OSBP: variants seen among roughly 807,000 people sequenced by gnomAD.
The protein encoded by OSBP is oxysterol binding protein.
Under a neutral mutation model 96.6 loss-of-function variants are expected in OSBP, and 32 were observed. The ratio of observed to expected loss-of-function variants is 0.33; its 90% CI spans 0.25 to 0.45. The LOEUF (loss-of-function observed/expected upper bound fraction) is 0.45, where lower values mean the gene tolerates loss of function less well. Ranked by LOEUF, OSBP falls within the 20% of genes least tolerant of loss-of-function variation. The pLI is 1.00. For missense variants in OSBP, 653 were observed against 1,029.7 expected, an observed-to-expected ratio of 0.63 and a Z score of 5.01; for synonymous variants, 369 against 389.6, an observed-to-expected ratio of 0.95 and a Z score of 0.62.
intron 11 of OSBP, 38 bp downstream of exon 11, chr11:59,580,136 A>C (rs1860403757): frequency 7.5e-7 from 1 of 1,325,338 alleles, no homozygotes; most frequent in Non-Finnish European, 1.1e-6. Context: ...TAAGAGATAC[A>C]TGCTACGTGA....
chr11:59,593,687 T>G lies in OSBP; in HGVS notation c.1595A>C (p.Glu532Ala). 1.2e-6 allele frequency: 2 copies of G among 1,614,152 alleles called. No homozygotes were observed. The highest frequency in any genetic ancestry group is 1.1e-5 in the South Asian group (1 of 91,084). ...ACGCAATGTCCAGCCATTTTTGGAC[T>G]CAGCATGGTGCGCAGCAGCAGGGGG... The part of the protein sequence containing the change: ...HHPPAAAHHA[E>A]SKNGWTLRQE... Residue 532 changes from glutamate to alanine, a missense_variant, in exon 9 of 14, where the codon GAG (glutamate) becomes GCG (alanine). Physicochemically the swap from Glu to Ala is moderately radical, Grantham distance 107. Coordinates refer to ENST00000263847, the MANE Select transcript of OSBP (RefSeq NM_002556.3).
chr11:59,613,552 C>T (rs1003281168), intron 1 of OSBP, among the ~76,000 whole-genome samples: 2 of 151,696 alleles, frequency 1.3e-5, no homozygotes, highest in East Asian at 1.9e-4. Flanking sequence ...TATTGACTTG[C>T]GACACAAGTC....
intron 7 of OSBP, among the ~76,000 whole-genome samples, chr11:59,596,435 C>A (rs1390229971): frequency 6.6e-6 from 1 of 152,114 alleles, no homozygotes. Context: ...CACACACAGC[C>A]TTGCCCATCA....
chr11:59,586,999 C>T (rs1323497379), intron 9 of OSBP, among the ~76,000 whole-genome samples: 1 of 151,730 alleles, frequency 6.6e-6, no homozygotes, highest in African/African-American at 2.4e-5. Context: ...AAAGCAGATG[C>T]AAAAACAACA....
Position 59,615,578 on chromosome 11 carries a change from C to T in OSBP, c.87G>A (p.Val29=). Reference sequence around the variant, plus strand: ...CTCCGCGGCCGCCGCCTCCTCCCACCACTGGGGGACCGGCGCCGCCGCCGC... The same window carrying T: ...CTCCGCGGCCGCCGCCTCCTCCCACTACTGGGGGACCGGCGCCGCCGCCGC... ...ALGGGGAGPP[V]VGGGGGRGDA... Residue 29 remains valine (V), a synonymous_variant, in exon 1 of 14, where the codon GTG becomes GTA. Transcript: ENST00000263847. The T allele has an allele frequency of 2.9e-6, 4 of 1,375,470 alleles. No homozygotes were observed. The highest frequency in any genetic ancestry group is 3.8e-6 in the Non-Finnish European group (4 of 1,060,046). The allele number at this position is 1,375,470 out of a possible 1,614,324, so 85.2% of individuals were successfully genotyped here. A position where few individuals can be genotyped will look rare whatever the true frequency, so the allele number is the denominator to read the frequency against.
intron 1 of OSBP, among the ~76,000 whole-genome samples, chr11:59,611,067 G>A (rs7128845): frequency 0.022 from 3,361 of 149,810 alleles, 120 homozygotes; most frequent in African/African-American, 0.079. Flanking sequence ...CTTGAGAGGC[G>A]GAGTTTGCAG....
chr11:59,584,563 C>G (rs761993792), intron 9 of OSBP, among the ~76,000 whole-genome samples: 7 of 152,098 alleles, frequency 4.6e-5, no homozygotes, highest in Non-Finnish European at 7.3e-5. Context: ...TCAATTGATG[C>G]AGAAAAAGCA....
chr11:59,576,358 C>T lies in OSBP; in HGVS notation c.*219G>A, dbSNP rs565303321. On this transcript the variant is annotated 3_prime_UTR_variant, in exon 14 of 14. Transcript: ENST00000263847. ...GGCCACTAAACCTCTCCCTTACAGACATAGTATCTCCTATGTCGATTTCAG... is the reference window on the plus strand; with the variant it reads ...GGCCACTAAACCTCTCCCTTACAGATATAGTATCTCCTATGTCGATTTCAG... 1.4e-4 allele frequency: 76 copies of T among 546,652 alleles called. No homozygotes were observed. Among genetic ancestry groups the T allele is most frequent in the African/African-American group, 9.1e-4 (48 of 52,660 alleles). The allele number at this position is 546,652 out of a possible 1,614,324, so 33.9% of individuals were successfully genotyped here. A position where few individuals can be genotyped will look rare whatever the true frequency, so the allele number is the denominator to read the frequency against.
chr11:59,580,003 C>T (rs1046310995), intron 11 of OSBP, among the ~76,000 whole-genome samples, 171 bp downstream of exon 11: 19 of 152,104 alleles, frequency 1.2e-4, no homozygotes, highest in South Asian at 8.3e-4. Context: ...TGAGCCACCG[C>T]GCCCAGCCTT....
chr11:59,578,122 C>A, intron 12 of OSBP, 27 bp downstream of exon 12: 1 of 1,607,908 alleles, frequency 6.2e-7, no homozygotes, highest in Non-Finnish European at 8.5e-7. Flanking sequence ...AAAGTGGTAT[C>A]TGGGCAGCAT....
chr11:59,600,028 C>T (rs1860701400), intron 7 of OSBP, among the ~76,000 whole-genome samples: 1 of 152,138 alleles, frequency 6.6e-6, no homozygotes, highest in African/African-American at 2.4e-5. Flanking sequence ...GAGAGGTCAG[C>T]CCAAACACCA....
chr11:59,588,705 T>C, intron 9 of OSBP, among the ~76,000 whole-genome samples: 1 of 151,908 alleles, frequency 6.6e-6, no homozygotes, highest in African/African-American at 2.4e-5. Context: ...TATGTGTATT[T>C]TACAATTAAA....
intron 2 of OSBP, among the ~76,000 whole-genome samples, chr11:59,609,218 T>C (rs541009494): frequency 6.6e-6 from 1 of 152,200 alleles, no homozygotes; most frequent in Non-Finnish European, 1.5e-5. Flanking sequence ...CTGTATTAAA[T>C]GAGTTGAGAA....
At chr11:59,605,363 A>T (rs1860769672) in intron 3 of OSBP, among the ~76,000 whole-genome samples, 2 of 152,020 alleles carry the variant, frequency 1.3e-5, no homozygotes, top group African/African-American at 4.8e-5. Context: ...AATATCCCAT[A>T]CCACTACCTG....
rs762517186 is a variant in OSBP at position 59,581,502 on chromosome 11, T to A, written c.1731A>T (p.Lys577Asn). 6.2e-7 allele frequency: 1 copy of A among 1,613,220 alleles called. No individual in the cohort carries two copies. The highest frequency in any genetic ancestry group is 2.2e-5 in the East Asian group (1 of 44,860). ...TAATGTTGTGTACAGTTGTGGTAAC[T>A]TTCTTCCAAGTGTAGTGGTGCCCAG... ...HATGHHYTWK[K>N]VTTTVHNIIV... is the part of the protein sequence containing the mutation. The change falls in exon 10 of 14, where the codon AAA becomes AAT. Residue 577 changes from lysine (K) to asparagine (N), a missense_variant. By Grantham distance (94) the Lys-to-Asn change is moderately conservative. This residue lies in a region of OSBP where 19 missense variants were observed against 16.1 expected (regional missense o/e 1.18). Coordinates refer to ENST00000263847, the MANE Select transcript of OSBP (RefSeq NM_002556.3).
At chr11:59,599,790 G>C (rs1345143625) in intron 7 of OSBP, among the ~76,000 whole-genome samples, 1 of 152,222 alleles carries the variant, frequency 6.6e-6, no homozygotes, top group South Asian at 2.1e-4. Context: ...TGAGGGAAAG[G>C]ACAGGATGCC....
intron 7 of OSBP, chr11:59,595,079 GA>G (rs1329007914): frequency 3.2e-5 from 5 of 154,480 alleles, no homozygotes; most frequent in Non-Finnish European, 7.3e-5. Context: ...AAGAGAAGCT[GA>G]CTTTTTTGGG....
At chr11:59,596,141 CCA>C (rs937556276) in intron 7 of OSBP, among the ~76,000 whole-genome samples, 6 of 151,992 alleles carry the variant, frequency 3.9e-5, no homozygotes, top group Admixed American at 3.9e-4. Flanking sequence ...GTGCCATACC[CCA>C]GAGCCCTCTT....
chr11:59,601,248 A>ATGTTTATT, intron 5 of OSBP, 35 bp downstream of exon 5: 2 of 1,160,214 alleles, frequency 1.7e-6, no homozygotes, highest in South Asian at 2.5e-5. Context: ...TGGTGAAGAT[A>ATGTTTATT]TGTTTATTTG....
Sources: allele counts gnomAD v4.1 joint callset (sites outside exome capture counted in the v4.1 genomes callset), GRCh38; gene constraint gnomAD v4.1.1; regional missense constraint gnomAD v4.1.1; transcripts MANE v1.5; gene names NCBI Gene and HGNC (gene_info 2026-07-23, HGNC 2026-07-21).